The following PAX8 variants were observed in gnomAD, a reference collection of about 807,000 sequenced individuals.
PAX8 encodes the protein paired box 8, also known as paired box protein Pax-8.
PAX8 carries 15 observed loss-of-function variants against 52.4 expected under a neutral mutation model. The ratio of observed to expected loss-of-function variants is 0.29; its 90% CI spans 0.19 to 0.44. The LOEUF is 0.44. Ranked by LOEUF, PAX8 falls within the 20% of genes least tolerant of loss-of-function variation. The pLI is 1.00. For synonymous variants in PAX8, 284 were observed against 249.7 expected (o/e 1.14, Z -1.29); for missense variants, 554 against 602.5 (o/e 0.92, Z 0.84).
chr2:113,273,594 GA>G (rs1693608656), intron 2 of PAX8: 1 of 152,072 alleles, frequency 6.6e-6, no homozygotes, highest in Non-Finnish European at 1.5e-5. Flanking sequence ...AATATTTGAG[GA>G]ACTTTATCTC....
At chr2:113,225,206 T>C (rs1011854926) in intron 10 of PAX8, among the ~76,000 whole-genome samples, 1 of 152,248 alleles carries the variant, frequency 6.6e-6, no homozygotes, top group Non-Finnish European at 1.5e-5. Context: ...CAAAAGTACA[T>C]AATAAGTGAT....
intron 2 of PAX8, among the ~76,000 whole-genome samples, chr2:113,261,165 G>T (rs1692650239): frequency 6.6e-6 from 1 of 152,126 alleles, no homozygotes; most frequent in South Asian, 2.1e-4. Flanking sequence ...GAGGCCAGCA[G>T]ATGCAGCCTG....
At chr2:113,261,822 G>GTT (rs777210195) in intron 2 of PAX8, among the ~76,000 whole-genome samples, 11 of 144,104 alleles carry the variant, frequency 7.6e-5, no homozygotes, top group South Asian at 2.2e-4. Flanking sequence ...AAGATTTTAG[G>GTT]TTTTTTTTTT....
chr2:113,226,603 G>C (rs775866346), intron 10 of PAX8: 2 of 1,051,116 alleles, frequency 1.9e-6, no homozygotes, highest in Non-Finnish European at 2.3e-6. Context: ...CCTAGAACCC[G>C]GGTCCTATCC....
At chr2:113,228,585 A>G (rs1689716087) in intron 9 of PAX8, among the ~76,000 whole-genome samples, 1 of 152,238 alleles carries the variant, frequency 6.6e-6, no homozygotes, top group African/African-American at 2.4e-5. Flanking sequence ...AGACATTGCC[A>G]TATGTCCTCA....
At chr2:113,244,809 G>T (rs895143027) in intron 3 of PAX8, among the ~76,000 whole-genome samples, 185 bp from the exon 4 acceptor site, 1 of 152,146 alleles carries the variant, frequency 6.6e-6, no homozygotes, top group Admixed American at 6.5e-5. Context: ...ACTTGGGTAG[G>T]TTCATGCTAC....
At chr2:113,276,741 G>T (rs1340300188) in intron 2 of PAX8, among the ~76,000 whole-genome samples, 1 of 151,968 alleles carries the variant, frequency 6.6e-6, no homozygotes, top group African/African-American at 2.4e-5. Flanking sequence ...GGTCCAGCCC[G>T]GCCACAGTGA....
intron 2 of PAX8, among the ~76,000 whole-genome samples, chr2:113,252,893 CAA>C (rs1161822403): frequency 1.3e-5 from 2 of 152,098 alleles, no homozygotes; most frequent in East Asian, 3.9e-4. Context: ...ATACATTAAA[CAA>C]AAAAAATTCT....
At chr2:113,273,629 C>T (rs745705003) in intron 2 of PAX8, 1 of 152,166 alleles carries the variant, frequency 6.6e-6, no homozygotes, top group East Asian at 1.9e-4. Flanking sequence ...CTTTAAACAT[C>T]CCCCTCCCCA....
At chr2:113,234,039 G>C (rs1183469426) in intron 9 of PAX8, among the ~76,000 whole-genome samples, 1 of 152,188 alleles carries the variant, frequency 6.6e-6, no homozygotes, top group Non-Finnish European at 1.5e-5. Flanking sequence ...AGGTGAAGAG[G>C]CATTTACTTC....
At chr2:113,250,846 G>A (rs948639198) in intron 2 of PAX8, 1 of 152,214 alleles carries the variant, frequency 6.6e-6, no homozygotes, top group Admixed American at 6.5e-5. Context: ...TGGGGGATAT[G>A]ATAAGACACA....
intron 2 of PAX8, among the ~76,000 whole-genome samples, chr2:113,264,293 G>A (rs1292061019): frequency 6.6e-6 from 1 of 152,360 alleles, no homozygotes; most frequent in African/African-American, 2.4e-5. Flanking sequence ...TCTAGGACCA[G>A]GCAGGTATCC....
At chr2:113,238,761 T>C (rs934152958) in intron 7 of PAX8, 4 of 152,192 alleles carry the variant, frequency 2.6e-5, no homozygotes, top group African/African-American at 4.8e-5. Context: ...AGACTCTACT[T>C]TATGAGGCTG....
intron 2 of PAX8, among the ~76,000 whole-genome samples, chr2:113,250,484 G>C (rs1691677967): frequency 6.6e-6 from 1 of 152,158 alleles, no homozygotes; most frequent in South Asian, 2.1e-4. Flanking sequence ...TTAAAATACA[G>C]AGTACTGAGC....
intron 2 of PAX8, among the ~76,000 whole-genome samples, chr2:113,248,954 G>A (rs932106820): frequency 3.3e-5 from 5 of 151,660 alleles, no homozygotes; most frequent in Admixed American, 6.6e-5. Context: ...CAACAAGAGC[G>A]AAATTCCGTC....
chr2:113,245,718 G>T (rs912613936), intron 3 of PAX8, among the ~76,000 whole-genome samples: 6 of 152,238 alleles, frequency 3.9e-5, no homozygotes, highest in Admixed American at 3.3e-4. Context: ...GCATGAAAAA[G>T]AATCTAGCTC....
chr2:113,251,438 A>G (rs1271262729), intron 2 of PAX8, among the ~76,000 whole-genome samples: 1 of 145,126 alleles, frequency 6.9e-6, no homozygotes, highest in Non-Finnish European at 1.5e-5. Flanking sequence ...GACTCTTTGT[A>G]TGTCTGGAGG....
chr2:113,225,523 G>C (rs1689509274), intron 10 of PAX8: 2 of 152,212 alleles, frequency 1.3e-5, no homozygotes, highest in South Asian at 4.1e-4. Context: ...GAGCCCAACT[G>C]TGTAGGGCAA....
intron 7 of PAX8, chr2:113,238,177 C>T (rs1311835582): frequency 6.7e-6 from 1 of 149,698 alleles, no homozygotes; most frequent in Non-Finnish European, 1.5e-5. Context: ...TCAAGTGATT[C>T]CCCTGCCTCA....
Sources: gnomAD v4.1 joint callset for allele counts (sites outside exome capture counted in the v4.1 genomes callset) on GRCh38, gnomAD v4.1.1 for gene constraint, MANE v1.5 for transcripts, NCBI Gene and HGNC (gene_info 2026-07-23, HGNC 2026-07-21) for gene names.